Variants in ENTPD5 observed in about 807,000 individuals in gnomAD.
The protein encoded by ENTPD5 is nucleoside diphosphate phosphatase ENTPD5.
A neutral mutation model predicts 60.2 loss-of-function variants in ENTPD5; 49 were observed. The observed-to-expected ratio is 0.81, with a 90% CI of 0.65 to 1.03. The LOEUF (loss-of-function observed/expected upper bound fraction) is 1.03, where lower values mean the gene tolerates loss of function less well. ENTPD5 is among the 50% of genes least tolerant of loss of function. The pLI, the probability that ENTPD5 is intolerant of heterozygous loss-of-function variation, is 0.00. For synonymous variants in ENTPD5, 187 were observed against 185.4 expected, an observed-to-expected ratio of 1.01 and a Z score of -0.07; for missense variants, 480 against 507.6, an observed-to-expected ratio of 0.95 and a Z score of 0.52.
intron 5 of ENTPD5, chr14:73,986,551 A>G: frequency 2.6e-6 from 1 of 378,220 alleles, no homozygotes; most frequent in South Asian, 4.6e-5. Context: ...AAAATTTTAA[A>G]CAGTAAGTAC....
At chr14:74,018,532 C>G (rs1202679112) in intron 1 of ENTPD5, 1 of 152,250 alleles carries the variant, frequency 6.6e-6, no homozygotes, top group African/African-American at 2.4e-5. Flanking sequence ...TGTGAGTACA[C>G]TCCTTTTCAG....
In ENTPD5 at chr14:73,964,303, A is replaced by G. The variant is rs1220053667; in HGVS notation, c.*2625T>C. 1 of 152,244 alleles carries G rather than the reference A, an allele frequency of 6.6e-6. No homozygotes were observed. The highest frequency in any genetic ancestry group is 2.4e-5 in the African/African-American group (1 of 41,464). The allele number at this position is 152,244 out of a possible 1,614,324, so 9.4% of individuals were successfully genotyped here. ...ACATCTACAAAGAGGAAACTATTAG[A>G]ATCTGTAGGACCTCTTAAGCCCAAA... On this transcript the variant is annotated 3_prime_UTR_variant, in exon 16 of 16. Coordinates refer to ENST00000334696, the MANE Select transcript of ENTPD5 (RefSeq NM_001249.5).
intron 10 of ENTPD5, among the ~76,000 whole-genome samples, chr14:73,975,703 C>G (rs531070365): frequency 1.3e-5 from 2 of 152,258 alleles, no homozygotes; most frequent in Non-Finnish European, 2.9e-5. Flanking sequence ...CTGCACCCAG[C>G]CGAAAACTTT....
downstream of ENTPD5, chr14:73,961,052 G>A (rs2140416515): frequency 8.9e-7 from 1 of 1,126,702 alleles, no homozygotes. Flanking sequence ...GTCAAGATCA[G>A]TGTAGGCAAG....
In ENTPD5 at chr14:73,987,992, G is replaced by C. The variant is rs189333003; in HGVS notation, c.111C>G (p.Ser37=). Residue 37 remains serine (S), a synonymous_variant, in exon 4 of 16, where the codon TCC becomes TCG. Coordinates refer to ENST00000334696, the MANE Select transcript of ENTPD5 (RefSeq NM_001249.5). Reference sequence around the variant, plus strand: ...TGGCGCTGACATTGATGGGGCACATGGAAGACAGGAAGATACCCTCAAACC... The same window carrying C: ...TGGCGCTGACATTGATGGGGCACATCGAAGACAGGAAGATACCCTCAAACC... ...QTWFEGIFLS[S]MCPINVSAST... The C allele has an allele frequency of 2.5e-6, 4 of 1,614,144 alleles. No individual in the cohort carries two copies. In the African/African-American group the frequency reaches 5.3e-5, roughly 22 times the overall value.
At chr14:74,008,554 C>T (rs536509588) in intron 3 of ENTPD5, among the ~76,000 whole-genome samples, 105 of 151,760 alleles carry the variant, frequency 6.9e-4, no homozygotes, top group Non-Finnish European at 1.1e-3. Flanking sequence ...CCACCATGCC[C>T]GGCTAACTTT....
chr14:73,961,478 C>T (rs199869505), downstream of ENTPD5: 70 of 1,614,074 alleles, frequency 4.3e-5, no homozygotes, highest in Non-Finnish European at 5.3e-5. Flanking sequence ...AGAGTCCATC[C>T]GCTTGCAGGA....
At chr14:73,963,228 A>G (rs1166661958), downstream of ENTPD5, 1 of 577,778 alleles carries the variant, frequency 1.7e-6, no homozygotes. Context: ...GAAGACTTAC[A>G]ATTTGGTTGA....
Position 73,964,493 on chromosome 14 carries a change from T to C in ENTPD5, c.*2435A>G, listed in dbSNP as rs2056891895. ...ATGCATCTTCCCTGGAGTTCAGAGG[T>C]ATTTGGGATGACCAAAGGAGTCTGC... On this transcript the variant is annotated 3_prime_UTR_variant, in exon 16 of 16. Coordinates refer to ENST00000334696, the MANE Select transcript of ENTPD5 (RefSeq NM_001249.5). The C allele has an allele frequency of 6.6e-6, 1 of 152,200 alleles. No individual in the cohort carries two copies. The highest frequency in any genetic ancestry group is 1.5e-5 in the Non-Finnish European group (1 of 68,050). The allele number at this position is 152,200 out of a possible 1,614,324, so 9.4% of individuals were successfully genotyped here. A position where few individuals can be genotyped will look rare whatever the true frequency, so the allele number is the denominator to read the frequency against.
chr14:73,955,637 TG>T (rs1352897895), downstream of ENTPD5: 1 of 1,343,896 alleles, frequency 7.4e-7, no homozygotes, highest in East Asian at 2.3e-5. Context: ...TCCGAGGAAG[TG>T]GGGAGAAGCA....
downstream of ENTPD5, chr14:73,960,437 C>G (rs777198289): frequency 1.4e-5 from 14 of 988,790 alleles, no homozygotes; most frequent in Admixed American, 5.8e-5. Flanking sequence ...AGCCTGCTAC[C>G]TTCACACCAA....
At position 73,983,157 on chromosome 14, in the gene ENTPD5, G is replaced by T; in HGVS notation, c.302C>A (p.Ala101Asp). ...CTCTAAGAGCCCTTGAACGGTCTCA[G>T]CACCCTTCAAAAGAGATAACCCGTT... is the stretch of plus-strand genomic sequence containing the variant. The part of the protein sequence containing the change: ...SAFVDQPKQG[A>D]ETVQGLLEVA... The change falls in exon 6 of 16, where the codon GCT becomes GAT. Residue 101 changes from alanine (A) to aspartate (D), a missense_variant. Coordinates refer to ENST00000334696, the MANE Select transcript of ENTPD5 (RefSeq NM_001249.5). The T allele has an allele frequency of 6.2e-7, 1 of 1,612,160 alleles. No individual in the cohort carries two copies. Among genetic ancestry groups the T allele is most frequent in the Non-Finnish European group, 8.5e-7 (1 of 1,179,128 alleles).
chr14:73,964,353 G>A lies in ENTPD5; in HGVS notation c.*2575C>T, dbSNP rs1880003929. The A allele has an allele frequency of 6.6e-6, 1 of 152,160 alleles. No individual in the cohort carries two copies. The highest frequency in any genetic ancestry group is 6.5e-5 in the Admixed American group (1 of 15,276). The allele number at this position is 152,160 out of a possible 1,614,324, so 9.4% of individuals were successfully genotyped here. The stretch of plus-strand genomic sequence containing the variant: ...AGGGTCTACTGCAGGCAGGATGGGC[G>A]TTACAGAAAAAAATAAAAACTCTCA... On this transcript the variant is annotated 3_prime_UTR_variant, in exon 16 of 16. Coordinates refer to ENST00000334696, the MANE Select transcript of ENTPD5 (RefSeq NM_001249.5).
At chr14:73,991,352 C>G (rs1417426223) in intron 3 of ENTPD5, among the ~76,000 whole-genome samples, 3 of 152,048 alleles carry the variant, frequency 2.0e-5, no homozygotes, top group African/African-American at 7.2e-5. Context: ...CTTTGGGAGG[C>G]CAATGCTGGC....
intron 3 of ENTPD5, among the ~76,000 whole-genome samples, chr14:73,993,313 G>C (rs1307133069): frequency 6.6e-6 from 1 of 152,152 alleles, no homozygotes; most frequent in African/African-American, 2.4e-5. Flanking sequence ...CTTCAGCCTA[G>C]GTACAGAGTG....
chr14:74,002,609 C>T (rs2058546289), intron 3 of ENTPD5, among the ~76,000 whole-genome samples: 1 of 152,132 alleles, frequency 6.6e-6, no homozygotes, highest in Admixed American at 6.6e-5. Context: ...CTGTTGAATA[C>T]ATTTCCAGAA....
intron 14 of ENTPD5, among the ~76,000 whole-genome samples, chr14:73,970,901 C>G (rs2057194705): frequency 6.6e-6 from 1 of 151,882 alleles, no homozygotes; most frequent in South Asian, 2.1e-4. Context: ...TCACAGCTCC[C>G]TGCAGCCTCA....
downstream of ENTPD5, chr14:73,961,895 C>T (rs1329619686): frequency 6.2e-7 from 1 of 1,614,018 alleles, no homozygotes; most frequent in Non-Finnish European, 8.5e-7. Context: ...TGCAGTGTCT[C>T]CACTCAAAGT....
downstream of ENTPD5, chr14:73,962,993 C>T: frequency 1.2e-6 from 2 of 1,608,010 alleles, no homozygotes; most frequent in Non-Finnish European, 1.7e-6. Flanking sequence ...CCTTTGCAAG[C>T]AAATGAGTAC....
Sources: allele counts gnomAD v4.1 joint callset (sites outside exome capture counted in the v4.1 genomes callset), GRCh38; gene constraint gnomAD v4.1.1; transcripts MANE v1.5; gene names NCBI Gene and HGNC (gene_info 2026-07-23, HGNC 2026-07-21).